The following NELL2 variants were observed in gnomAD, a reference collection of about 807,000 sequenced individuals.
NELL2 encodes the protein protein kinase C-binding protein NELL2.
In NELL2, 41 loss-of-function variants were observed where a neutral mutation model predicts 109.6. The observed-to-expected ratio is 0.37, with a 90% CI of 0.29 to 0.49. The LOEUF (loss-of-function observed/expected upper bound fraction) is 0.49. Among genes scored for constraint, NELL2 ranks in the 20% least tolerant of loss-of-function variants. The pLI, the probability that NELL2 is intolerant of heterozygous loss-of-function variation, is 0.98. For missense variants in NELL2, 900 were observed against 1,008.3 expected (o/e 0.89, Z 1.45); for synonymous variants, 355 against 344.7 (o/e 1.03, Z -0.33).
At chr12:44,609,209 C>T (rs182312877) in intron 14 of NELL2, among the ~76,000 whole-genome samples, 1 of 151,920 alleles carries the variant, frequency 6.6e-6, no homozygotes, top group African/African-American at 2.4e-5. Flanking sequence ...CTTGGCCCCC[C>T]AAAGTGCTAG....
intron 2 of NELL2, among the ~76,000 whole-genome samples, chr12:44,870,422 C>G (rs909400757): frequency 6.6e-6 from 1 of 152,156 alleles, no homozygotes; most frequent in Non-Finnish European, 1.5e-5. Flanking sequence ...CACTTCCATG[C>G]AGGAAAATTT....
At chr12:44,809,141 C>G (rs1566443945) in intron 3 of NELL2, among the ~76,000 whole-genome samples, 1 of 151,878 alleles carries the variant, frequency 6.6e-6, no homozygotes, top group Non-Finnish European at 1.5e-5. Context: ...GGCAACTACA[C>G]CAAATCACAT....
chr12:44,574,195 C>T (rs141354830), intron 15 of NELL2, among the ~76,000 whole-genome samples: 6 of 151,992 alleles, frequency 3.9e-5, no homozygotes, highest in African/African-American at 9.7e-5. Flanking sequence ...CCTCCAGCCC[C>T]CTGGGTTTAA....
At chr12:44,567,503 T>G (rs1943706194) in intron 15 of NELL2, among the ~76,000 whole-genome samples, 1 of 152,042 alleles carries the variant, frequency 6.6e-6, no homozygotes, top group Non-Finnish European at 1.5e-5. Flanking sequence ...AGTAATCCTA[T>G]GGTAATGAGA....
At chr12:44,680,124 T>C (rs1052185188) in intron 12 of NELL2, among the ~76,000 whole-genome samples, 1 of 152,128 alleles carries the variant, frequency 6.6e-6, no homozygotes, top group Non-Finnish European at 1.5e-5. Flanking sequence ...TCAGAAAGCA[T>C]GGATTGCAGT....
rs756134999 is a variant in NELL2, at chr12:44,875,827, C to G, written c.43G>C (p.Gly15Arg). The change falls in exon 1 of 20, where the codon GGT (glycine) becomes CGT (arginine). Residue 15 changes from glycine to arginine, a missense_variant. By Grantham distance (125) the Gly-to-Arg change is moderately radical (BLOSUM62 -2). This residue lies in a region of NELL2 where 200 missense variants were observed against 191.8 expected (regional missense o/e 1.04). Transcript: ENST00000429094. ...TGCGGCCACTCACCTGCTCCGAGAC[C>G]GAAGATCAAACAGAATGTTCTCAGT... ...VLLRTFCLIF[G>R]LGAVWGLGVD... The G allele has an allele frequency of 6.2e-7, 1 of 1,613,750 alleles. No homozygotes were observed. The highest frequency in any genetic ancestry group is 1.3e-5 in the African/African-American group (1 of 74,886).
upstream of NELL2, among the ~76,000 whole-genome samples, chr12:44,916,326 A>G (rs1014417041): frequency 6.6e-6 from 1 of 152,214 alleles, no homozygotes; most frequent in African/African-American, 2.4e-5. Flanking sequence ...TTGAAAATAT[A>G]AAAACAATCT....
chr12:44,804,036 T>C (rs1942920120), intron 3 of NELL2, among the ~76,000 whole-genome samples: 1 of 151,978 alleles, frequency 6.6e-6, no homozygotes, highest in Non-Finnish European at 1.5e-5. Context: ...ACTCAAAACA[T>C]GTAATATCTT....
At chr12:44,598,712 C>T (rs142774911) in intron 15 of NELL2, among the ~76,000 whole-genome samples, 1 of 152,180 alleles carries the variant, frequency 6.6e-6, no homozygotes, top group African/African-American at 2.4e-5. Context: ...TCCTATGTGG[C>T]ATAAGAAGCC....
intron 13 of NELL2, among the ~76,000 whole-genome samples, chr12:44,653,691 A>T (rs1947384141): frequency 6.6e-6 from 1 of 152,194 alleles, no homozygotes; most frequent in Non-Finnish European, 1.5e-5. Flanking sequence ...GGAATGTAAT[A>T]CTATATCACC....
At chr12:44,649,569 A>G (rs1243234921) in intron 13 of NELL2, among the ~76,000 whole-genome samples, 1 of 152,118 alleles carries the variant, frequency 6.6e-6, no homozygotes, top group African/African-American at 2.4e-5. Context: ...GATACATACT[A>G]CAATTGCCCC....
chr12:44,740,668 A>G (rs1939907041), intron 9 of NELL2, among the ~76,000 whole-genome samples: 1 of 152,216 alleles, frequency 6.6e-6, no homozygotes, highest in African/African-American at 2.4e-5. Flanking sequence ...AAAAGAGTCT[A>G]GAATGGGGAT....
At chr12:44,551,714 G>C (rs1371492094) in intron 15 of NELL2, among the ~76,000 whole-genome samples, 2 of 152,146 alleles carry the variant, frequency 1.3e-5, no homozygotes, top group East Asian at 1.9e-4. Flanking sequence ...TTGATGAGGA[G>C]ATGATGTGAG....
chr12:44,918,760 C>T (rs1945847533), upstream of NELL2, among the ~76,000 whole-genome samples: 1 of 152,086 alleles, frequency 6.6e-6, no homozygotes, highest in African/African-American at 2.4e-5. Flanking sequence ...CTGAAACGAG[C>T]CTTTCTATTA....
chr12:44,873,365 C>A (rs1009453799), intron 2 of NELL2, among the ~76,000 whole-genome samples: 1 of 152,028 alleles, frequency 6.6e-6, no homozygotes, highest in African/African-American at 2.4e-5. Context: ...ATTTTGAACA[C>A]CTACCTTGAA....
chr12:44,777,756 A>G (rs1257590909), intron 5 of NELL2, among the ~76,000 whole-genome samples: 1 of 152,246 alleles, frequency 6.6e-6, no homozygotes, highest in East Asian at 1.9e-4. Flanking sequence ...AAGCATGCTC[A>G]TTTGAGCATC....
intron 2 of NELL2, among the ~76,000 whole-genome samples, chr12:44,854,012 ATG>A (rs1336637236): frequency 6.6e-6 from 1 of 152,192 alleles, no homozygotes; most frequent in Non-Finnish European, 1.5e-5. Flanking sequence ...AGTTACAAGT[ATG>A]TGTCAACAAA....
At chr12:44,760,643 G>A (rs1941081897) in intron 9 of NELL2, among the ~76,000 whole-genome samples, 1 of 75,864 alleles carries the variant, frequency 1.3e-5, no homozygotes, top group Non-Finnish European at 3.3e-5. Flanking sequence ...ATGTTCATAA[G>A]TGAACAAAAT....
chr12:44,715,204 A>G (rs1382339709), intron 9 of NELL2, among the ~76,000 whole-genome samples: 4 of 150,700 alleles, frequency 2.7e-5, no homozygotes, highest in Non-Finnish European at 5.9e-5. Context: ...ATTTCAGCAC[A>G]TCCATGTAAG....
Sources: allele counts gnomAD v4.1 joint callset (sites outside exome capture counted in the v4.1 genomes callset), GRCh38; gene constraint gnomAD v4.1.1; regional missense constraint gnomAD v4.1.1; transcripts MANE v1.5; gene names NCBI Gene and HGNC (gene_info 2026-07-23, HGNC 2026-07-21).